Variants in SPAG17 observed in about 807,000 individuals in gnomAD.
SPAG17 encodes sperm-associated antigen 17.
A neutral mutation model predicts 273.6 loss-of-function variants in SPAG17; 169 were observed. The ratio of observed to expected loss-of-function variants is 0.62; its 90% confidence interval spans 0.55 to 0.70. The LOEUF (loss-of-function observed/expected upper bound fraction) is 0.70. Among genes scored for constraint, SPAG17 ranks in the 30% least tolerant of loss-of-function variants. SPAG17 has a pLI of 0.00. For missense variants in SPAG17, 2,557 were observed against 2,627.8 expected (o/e 0.97, Z 0.59); for synonymous variants, 825 against 873.2 (o/e 0.94, Z 0.97).
chr1:118,185,027 G>A, intron 1 of SPAG17, 44 bp downstream of exon 1: 1 of 1,553,386 alleles, frequency 6.4e-7, no homozygotes, highest in South Asian at 1.1e-5. Flanking sequence ...CCGGGCCTCT[G>A]GCATTGCCGG....
In SPAG17 at chr1:118,081,438, G is replaced by A; in HGVS notation, c.1967C>T (p.Thr656Ile). ...IRQQYVMKMN[T>I]QEAKQKADIK... ...ACCTGCTTTCTGCTTGGCCTCTTGA[G>A]TATTCATTTTCATGACATATTGCTG... Residue 656 changes from threonine to isoleucine, a missense_variant, in exon 14 of 49, where the codon ACT (threonine) becomes ATT (isoleucine). By Grantham distance (89) the Thr-to-Ile change is moderately conservative (BLOSUM62 -1). Coordinates refer to ENST00000336338, the MANE Select transcript of SPAG17 (RefSeq NM_206996.4). 6.2e-7 allele frequency: 1 copy of A among 1,613,746 alleles called. No homozygotes were observed. Among genetic ancestry groups the A allele is most frequent in the Non-Finnish European group, 8.5e-7 (1 of 1,179,950 alleles).
chr1:118,081,019 T>G, intron 15 of SPAG17, 82 bp downstream of exon 15: 1 of 1,113,154 alleles, frequency 9.0e-7, no homozygotes, highest in South Asian at 1.4e-5. Flanking sequence ...ATAATGCATC[T>G]TAAACATTTT....
chr1:118,104,446 C>CA (rs1465319562), intron 4 of SPAG17, among the ~76,000 whole-genome samples: 24 of 152,330 alleles, frequency 1.6e-4, no homozygotes, highest in African/African-American at 5.8e-4. Flanking sequence ...TCAATACACA[C>CA]ATTCTCTCCC....
chr1:118,040,920 G>T lies in SPAG17; in HGVS notation c.3055-79C>A, dbSNP rs1649680373. On this transcript the variant is annotated intron_variant, in intron 21 of 48. Transcript: ENST00000336338. The stretch of plus-strand genomic sequence containing the variant: ...AACTTATCAGTGTTAGCCAACTAAA[G>T]TTGCCAGAAGCTTAATTTCTGCTAA... The T allele has an allele frequency of 3.3e-6, 3 of 908,840 alleles. No individual in the cohort carries two copies. In the South Asian group the frequency reaches 4.1e-5, roughly 12 times the overall value. 56.3% of individuals were successfully genotyped at this position (908,840 alleles called of 1,614,324 possible). A position where few individuals can be genotyped will look rare whatever the true frequency, so the allele number is the denominator to read the frequency against.
At chr1:118,053,049 G>C (rs1651247539) in intron 20 of SPAG17, among the ~76,000 whole-genome samples, 1 of 152,024 alleles carries the variant, frequency 6.6e-6, no homozygotes. Flanking sequence ...TGTAGGATGA[G>C]AACTGAACTT....
At chr1:118,125,017 A>G (rs1476710741) in intron 3 of SPAG17, among the ~76,000 whole-genome samples, 1 of 152,078 alleles carries the variant, frequency 6.6e-6, no homozygotes, top group Admixed American at 6.6e-5. Context: ...CTTTTAGCCC[A>G]GGTTTTTATG....
At position 118,101,922 on chromosome 1, in the gene SPAG17, A is replaced by C. The variant is rs1324416000; in HGVS notation, c.452T>G (p.Ile151Arg). 6.2e-7 allele frequency: 1 copy of C among 1,610,426 alleles called. No individual in the cohort carries two copies. Among genetic ancestry groups the C allele is most frequent in the Non-Finnish European group, 8.5e-7 (1 of 1,178,952 alleles). ...CTTTTCTAACTTAGGTTTGTCTTCTATTACCTGGAATGAGAGAACACTTTT... is the reference window on the plus strand; with the variant it reads ...CTTTTCTAACTTAGGTTTGTCTTCTCTTACCTGGAATGAGAGAACACTTTT... ...QQRRENEKKV[I>R]EDKPKLEKDK... Residue 151 changes from isoleucine (I) to arginine (R), a missense_variant, in exon 5 of 49, where the codon ATA (isoleucine) becomes AGA (arginine). Transcript: ENST00000336338.
In SPAG17 at chr1:118,015,998, T is replaced by A. The variant is rs1659928494; in HGVS notation, c.4254A>T (p.Leu1418Phe). Residue 1418 changes from leucine (L) to phenylalanine (F), a missense_variant, in exon 29 of 49, where the codon TTA (leucine) becomes TTT (phenylalanine). Coordinates refer to ENST00000336338, the MANE Select transcript of SPAG17 (RefSeq NM_206996.4). The part of the protein sequence containing the change: ...LERIADLTPL[L>F]SFQATDPVNG... ...TGACAGGATCTGTGGCCTGAAAGGA[T>A]AACAATGGGGTCAAGTCTGCTATTC... 1.2e-6 allele frequency: 2 copies of A among 1,613,944 alleles called. No homozygotes were observed. Among genetic ancestry groups the A allele is most frequent in the Admixed American group, 3.3e-5 (2 of 59,990 alleles).
chr1:118,072,518 T>C (rs545309633), intron 17 of SPAG17, among the ~76,000 whole-genome samples: 1 of 152,320 alleles, frequency 6.6e-6, no homozygotes, highest in South Asian at 2.1e-4. Flanking sequence ...ATATCTGTTA[T>C]GTTTGAATGT....
intron 41 of SPAG17, 31 bp downstream of exon 41, chr1:117,984,652 T>G: frequency 7.3e-7 from 1 of 1,369,524 alleles, no homozygotes; most frequent in South Asian, 1.3e-5. Flanking sequence ...TAAAAACTTT[T>G]ATTAGATTAT....
At chr1:118,155,278 G>A (rs555928828) in intron 1 of SPAG17, among the ~76,000 whole-genome samples, 1 of 152,106 alleles carries the variant, frequency 6.6e-6, no homozygotes, top group Non-Finnish European at 1.5e-5. Flanking sequence ...CAGAGAAACT[G>A]GCTGTCTCAT....
chr1:117,988,440 C>G (rs1656687518), intron 38 of SPAG17, among the ~76,000 whole-genome samples: 1 of 152,186 alleles, frequency 6.6e-6, no homozygotes, highest in South Asian at 2.1e-4. Flanking sequence ...AGTGATATCT[C>G]ATTTATCCCA....
intron 3 of SPAG17, among the ~76,000 whole-genome samples, chr1:118,135,203 C>T (rs1037363343): frequency 1.7e-4 from 26 of 152,196 alleles, no homozygotes; most frequent in African/African-American, 5.8e-4. Flanking sequence ...GCCAGCCCTC[C>T]TCTCACCAAA....
chr1:118,071,400 G>C (rs894623851), intron 17 of SPAG17, among the ~76,000 whole-genome samples: 11 of 151,896 alleles, frequency 7.2e-5, no homozygotes, highest in African/African-American at 2.7e-4. Context: ...CTGTAATGCC[G>C]GCACTTTGGG....
intron 1 of SPAG17, among the ~76,000 whole-genome samples, chr1:118,158,229 C>A (rs971232800): frequency 6.6e-6 from 1 of 152,158 alleles, no homozygotes; most frequent in Admixed American, 6.5e-5. Flanking sequence ...ATCTTCAAGT[C>A]ATTTTGTGCC....
chr1:118,154,723 C>A (rs1466412116), intron 1 of SPAG17, among the ~76,000 whole-genome samples: 1 of 151,930 alleles, frequency 6.6e-6, no homozygotes, highest in Non-Finnish European at 1.5e-5. Context: ...AATTTAAGTT[C>A]ACAGGACAGA....
intron 48 of SPAG17, chr1:117,955,462 A>T: frequency 8.8e-7 from 1 of 1,140,628 alleles, no homozygotes; most frequent in East Asian, 2.5e-5. Context: ...TGGTTATCTT[A>T]TAGGTTTAAC....
intron 3 of SPAG17, among the ~76,000 whole-genome samples, chr1:118,122,364 G>A (rs1657472112): frequency 6.6e-6 from 1 of 152,236 alleles, no homozygotes; most frequent in South Asian, 2.1e-4. Context: ...TGATTAATCA[G>A]TTGCGGAAGC....
chr1:118,120,910 T>C (rs1490064065), intron 3 of SPAG17, among the ~76,000 whole-genome samples: 1 of 152,206 alleles, frequency 6.6e-6, no homozygotes, highest in Non-Finnish European at 1.5e-5. Flanking sequence ...AGATTTTTAT[T>C]TATTATAGAA....
Sources: allele counts gnomAD v4.1 joint callset (sites outside exome capture counted in the v4.1 genomes callset), GRCh38; gene constraint gnomAD v4.1.1; transcripts MANE v1.5; gene names NCBI Gene and HGNC (gene_info 2026-07-23, HGNC 2026-07-21).